The following MAN2B2 variants were observed in gnomAD, a reference collection of about 807,000 sequenced individuals.
The protein encoded by MAN2B2 is epididymis-specific alpha-mannosidase.
In MAN2B2, 106 loss-of-function variants were observed where a neutral mutation model predicts 117.1. The observed-to-expected ratio is 0.90, with a 90% CI of 0.77 to 1.06. MAN2B2 has a LOEUF of 1.06. MAN2B2 is among the 50% of genes least tolerant of loss of function. The pLI, the probability that MAN2B2 is intolerant of heterozygous loss-of-function variation, is 0.00. For synonymous variants in MAN2B2, 544 were observed against 595.1 expected (o/e 0.91, Z 1.25); for missense variants, 1,326 against 1,381.4 (o/e 0.96, Z 0.64).
At chr4:6,614,548 C>T (rs769085622) in intron 16 of MAN2B2, among the ~76,000 whole-genome samples, 193 bp downstream of exon 16, 1 of 152,120 alleles carries the variant, frequency 6.6e-6, no homozygotes, top group Non-Finnish European at 1.5e-5. Context: ...AAGCTGGAGG[C>T]GAGGTGGGCC....
In MAN2B2 at chr4:6,600,593, G is replaced by A. The variant is rs144007993; in HGVS notation, c.1406-30G>A. 3.7e-5 allele frequency: 60 copies of A among 1,609,184 alleles called. 1 individual carries two copies. Among genetic ancestry groups the A allele is most frequent in the Middle Eastern group, 3.3e-4 (2 of 6,036 alleles). The stretch of plus-strand genomic sequence containing the variant: ...CCCATTCCAGAAGGTGAGTCACATG[G>A]CACAAGCAAAGCCTCTTCTCTGTGT... On this transcript the variant is annotated intron_variant, in intron 9 of 18. Transcript: ENST00000285599.
chr4:6,611,110 A>AACAACTTCGACTGGGACCTGGGCT lies in MAN2B2; in HGVS notation c.2401_2424dup (p.Phe801_Asn808dup). 1 of 1,613,412 alleles carries AACAACTTCGACTGGGACCTGGGCT rather than the reference A, an allele frequency of 6.2e-7. No homozygotes were observed. The highest frequency in any genetic ancestry group is 8.5e-7 in the Non-Finnish European group (1 of 1,179,674). On this transcript the variant is annotated inframe_insertion, in exon 15 of 19. Coordinates refer to ENST00000285599, the MANE Select transcript of MAN2B2 (RefSeq NM_015274.3). ...GGTCATGCTCCACCGGCGGCTGTGG[A>AACAACTTCGACTGGGACCTGGGCT]ACAACTTCGACTGGGACCTGGGCTA...
At chr4:6,579,404 CCACCAT>C (rs1217871172) in intron 3 of MAN2B2, among the ~76,000 whole-genome samples, 10 of 135,290 alleles carry the variant, frequency 7.4e-5, no homozygotes, top group Admixed American at 2.2e-4. Context: ...ATCACCACCA[CCACCAT>C]CACCATCACC....
chr4:6,594,775 AGG>A (rs1343767753), intron 7 of MAN2B2, 43 bp downstream of exon 7: 3 of 1,564,072 alleles, frequency 1.9e-6, no homozygotes, highest in South Asian at 1.2e-5. Flanking sequence ...GGTGGCAGGG[AGG>A]GTATAGTCCA....
intron 18 of MAN2B2, 27 bp from the exon 19 acceptor site, chr4:6,621,161 C>G: frequency 6.3e-7 from 1 of 1,575,492 alleles, no homozygotes; most frequent in Non-Finnish European, 8.7e-7. Flanking sequence ...CCAGGCCACA[C>G]TGGACAGATC....
chr4:6,612,527 TG>T lies in MAN2B2; in HGVS notation c.2563+1253del, dbSNP rs537572121. On this transcript the variant is annotated intron_variant, in intron 15 of 18. Transcript: ENST00000285599. ...GCTGGATACAAGGTCCAGACAGGCA[TG>T]GGGCAGGGCAGCTCTAGGCATATCA... is the stretch of plus-strand genomic sequence containing the variant. 1.3e-3 allele frequency among the ~76,000 whole-genome samples: 204 copies of T among 152,324 alleles called. 2 individuals are homozygous for T. The highest frequency in any genetic ancestry group is 4.7e-3 in the African/African-American group (197 of 41,574).
chr4:6,591,780 C>T (rs1374532751), intron 5 of MAN2B2, among the ~76,000 whole-genome samples: 1 of 152,068 alleles, frequency 6.6e-6, no homozygotes, highest in Non-Finnish European at 1.5e-5. Context: ...GAGCCATGGA[C>T]CAGGACCCCC....
chr4:6,620,394 C>T (rs879920193), intron 18 of MAN2B2: 14 of 246,810 alleles, frequency 5.7e-5, no homozygotes, highest in East Asian at 1.0e-4. Context: ...CTGCCTCATA[C>T]GACATGTGCC....
At chr4:6,616,785 C>G (rs745948688) in intron 16 of MAN2B2, among the ~76,000 whole-genome samples, 7 of 152,154 alleles carry the variant, frequency 4.6e-5, no homozygotes, top group Non-Finnish European at 7.4e-5. Flanking sequence ...TCGGCCAGAC[C>G]TGGGTGGGAA....
intron 3 of MAN2B2, among the ~76,000 whole-genome samples, chr4:6,579,593 C>G: frequency 6.6e-6 from 1 of 151,084 alleles, no homozygotes; most frequent in Non-Finnish European, 1.5e-5. Flanking sequence ...ACCATCACCA[C>G]TACCACCATC....
Position 6,622,166 on chromosome 4 carries a change from A to T in MAN2B2, c.*881A>T, listed in dbSNP as rs1445428453. ...TGCCACAGCCTGAGTGAATCCTACA[A>T]ATATTACGCTAAGTGAAAGAAGCCA... On this transcript the variant is annotated 3_prime_UTR_variant, in exon 19 of 19. Transcript: ENST00000285599. 2 of 152,232 alleles carry T rather than the reference A, an allele frequency of 1.3e-5. No homozygotes were observed. Among genetic ancestry groups the T allele is most frequent in the Non-Finnish European group, 2.9e-5 (2 of 68,040 alleles). 9.4% of individuals were successfully genotyped at this position (152,232 alleles called of 1,614,324 possible). A position where few individuals can be genotyped will look rare whatever the true frequency, so the allele number is the denominator to read the frequency against.
At chr4:6,601,170 C>T (rs1434996948) in intron 10 of MAN2B2, among the ~76,000 whole-genome samples, 1 of 152,188 alleles carries the variant, frequency 6.6e-6, no homozygotes, top group Non-Finnish European at 1.5e-5. Context: ...GCTCACAGAA[C>T]TCAGGCAAGT....
intron 3 of MAN2B2, among the ~76,000 whole-genome samples, chr4:6,579,518 C>T (rs1726344005): frequency 6.7e-6 from 1 of 150,264 alleles, no homozygotes; most frequent in South Asian, 2.1e-4. Flanking sequence ...TAACTACCAT[C>T]ACCACCACCC....
chr4:6,576,680 C>T lies in MAN2B2; in HGVS notation c.241C>T (p.Arg81Trp), dbSNP rs201403647. The T allele has an allele frequency of 8.6e-5, 139 of 1,613,846 alleles. No homozygotes were observed. The highest frequency in any genetic ancestry group is 1.8e-4 in the South Asian group (16 of 91,092). ...RFIAVEQEFFRLWWDGVASDQ... is the reference protein window; with the variant it reads ...RFIAVEQEFFWLWWDGVASDQ... ...CATCGCTGTGGAGCAGGAGTTTTTCCGGCTGTGGTGGGATGGCGTCGCCTC... is the reference window on the plus strand; with the variant it reads ...CATCGCTGTGGAGCAGGAGTTTTTCTGGCTGTGGTGGGATGGCGTCGCCTC... Residue 81 changes from arginine (R) to tryptophan (W), a missense_variant, in exon 2 of 19, where the codon CGG becomes TGG. Physicochemically the swap from Arg to Trp is moderately radical, Grantham distance 101. Coordinates refer to ENST00000285599, the MANE Select transcript of MAN2B2 (RefSeq NM_015274.3).
intron 7 of MAN2B2, among the ~76,000 whole-genome samples, chr4:6,596,712 G>A (rs998814704): frequency 2.6e-5 from 4 of 152,108 alleles, no homozygotes; most frequent in Non-Finnish European, 5.9e-5. Flanking sequence ...TGCAGTCTAG[G>A]CCCTTCTCAG....
chr4:6,613,959 C>T (rs1711720986), intron 15 of MAN2B2, among the ~76,000 whole-genome samples: 1 of 152,196 alleles, frequency 6.6e-6, no homozygotes, highest in African/African-American at 2.4e-5. Flanking sequence ...CTTTCCTCGT[C>T]TCTACTTTGA....
At chr4:6,615,566 G>A (rs1339850611) in intron 16 of MAN2B2, among the ~76,000 whole-genome samples, 2 of 152,070 alleles carry the variant, frequency 1.3e-5, no homozygotes, top group Admixed American at 6.5e-5. Flanking sequence ...GGAGGCCGAG[G>A]TAGCAGGATC....
chr4:6,603,313 A>G (rs757332221), intron 10 of MAN2B2, among the ~76,000 whole-genome samples: 1 of 151,920 alleles, frequency 6.6e-6, no homozygotes, highest in African/African-American at 2.4e-5. Context: ...CACTCAGCAA[A>G]GCTCCCGAAC....
intron 2 of MAN2B2, among the ~76,000 whole-genome samples, chr4:6,577,147 G>T (rs539265566): frequency 6.6e-6 from 1 of 152,260 alleles, no homozygotes; most frequent in South Asian, 2.1e-4. Flanking sequence ...TGGTTTGAGG[G>T]TAGGCAGCAG....
Sources: allele counts gnomAD v4.1 joint callset (sites outside exome capture counted in the v4.1 genomes callset), GRCh38; gene constraint gnomAD v4.1.1; transcripts MANE v1.5; gene names NCBI Gene and HGNC (gene_info 2026-07-23, HGNC 2026-07-21).